Variants in TEX11 observed in about 807,000 individuals in gnomAD.
TEX11 encodes testis-expressed protein 11.
In TEX11, 7 loss-of-function variants were observed where a neutral mutation model predicts 84.4. The observed-to-expected ratio is 0.08, with a 90% confidence interval of 0.05 to 0.16. The LOEUF (loss-of-function observed/expected upper bound fraction) is 0.16. Among genes scored for constraint, TEX11 ranks in the 10% least tolerant of loss-of-function variants. TEX11 has a pLI of 1.00. For synonymous variants in TEX11, 264 were observed against 222.8 expected, an observed-to-expected ratio of 1.18 and a Z score of -1.64; for missense variants, 551 against 660.5, an observed-to-expected ratio of 0.83 and a Z score of 1.82.
chrX:70,869,122 T>C (rs190350528), intron 4 of TEX11, among the ~76,000 whole-genome samples: 26 of 95,839 alleles, frequency 2.7e-4, no homozygotes, highest in Admixed American at 1.5e-3. Flanking sequence ...TAAAACAAAA[T>C]AAAATAAAGA....
At chrX:70,687,865 A>G (rs1192174650) in intron 13 of TEX11, among the ~76,000 whole-genome samples, 1 of 106,229 alleles carries the variant, frequency 9.4e-6, no homozygotes. Flanking sequence ...AAAGAAAGGA[A>G]AGAAAGGAAG....
At chrX:70,642,379 A>G (rs2089673023) in intron 17 of TEX11, among the ~76,000 whole-genome samples, 1 of 111,353 alleles carries the variant, frequency 9.0e-6, no homozygotes, top group South Asian at 3.9e-4. Flanking sequence ...AAACTATTCC[A>G]ATCAATAGAA....
At chrX:70,818,006 C>A (rs908000700) in intron 8 of TEX11, among the ~76,000 whole-genome samples, 4 of 111,330 alleles carry the variant, frequency 3.6e-5, no homozygotes, top group Non-Finnish European at 7.5e-5. Context: ...CAGGCAAAAA[C>A]AGCTCTCAGA....
the TEX11 span, among the ~76,000 whole-genome samples, chrX:70,511,646 G>A: frequency 1.9e-5 from 2 of 103,488 alleles, no homozygotes; most frequent in Admixed American, 2.1e-4. Flanking sequence ...CCAGCTACTC[G>A]GGAGGCTGAG....
intron 4 of TEX11, among the ~76,000 whole-genome samples, chrX:70,866,277 T>G (rs766953190): frequency 9.1e-6 from 1 of 110,497 alleles, no homozygotes; most frequent in Non-Finnish European, 1.9e-5. Flanking sequence ...ACAAATAAAC[T>G]AGAAAATCTA....
Position 70,888,727 on chromosome X carries a change from G to A in TEX11, c.38-8618C>T, listed in dbSNP as rs1261243661. Among the ~76,000 whole-genome samples the A allele has an allele frequency of 3.6e-5, 4 of 111,397 alleles. No individual in the cohort carries two copies. The East Asian group carries it at 1.1e-3, about 32-fold the overall frequency. On this transcript the variant is annotated intron_variant, in intron 2 of 29. Transcript: ENST00000374333. ...AGATATCAATATCCAAGTACAAAAA[G>A]GTTATAGAACACCAAGTAGATTTAA...
At chrX:70,686,586 G>T (rs763640045) in intron 13 of TEX11, among the ~76,000 whole-genome samples, 3 of 110,150 alleles carry the variant, frequency 2.7e-5, no homozygotes, top group African/African-American at 9.9e-5. Context: ...GCTAATGCAT[G>T]TGGGGCTTAA....
chrX:70,747,086 G>A (rs1377837007), intron 9 of TEX11, among the ~76,000 whole-genome samples: 1 of 111,999 alleles, frequency 8.9e-6, no homozygotes, highest in Non-Finnish European at 1.9e-5. Flanking sequence ...GGATCTGGGA[G>A]ACTGTGCACA....
downstream of TEX11, among the ~76,000 whole-genome samples, chrX:70,528,483 A>ATTT (rs141611218): frequency 1.4e-3 from 139 of 96,053 alleles, no homozygotes; most frequent in African/African-American, 4.4e-3. Flanking sequence ...ATGCCTGGCT[A>ATTT]TTTTTTTTTT....
Position 70,632,894 on chromosome X carries a change from T to C in TEX11, c.1484-3159A>G, listed in dbSNP as rs993386691. 2.4e-4 allele frequency among the ~76,000 whole-genome samples: 27 copies of C among 111,874 alleles called. 1 individual carries two copies. The highest frequency in any genetic ancestry group is 1.6e-3 in the Admixed American group (17 of 10,560). On this transcript the variant is annotated intron_variant, in intron 17 of 29. Transcript: ENST00000374333. The stretch of plus-strand genomic sequence containing the variant: ...AAATAATAGATAACTTGAATAGCCC[T>C]ATATCTATTAAAGACATTTAATTTA...
chrX:70,852,570 G>A (rs1304596928), intron 7 of TEX11, among the ~76,000 whole-genome samples: 1 of 112,163 alleles, frequency 8.9e-6, no homozygotes, highest in Non-Finnish European at 1.9e-5. Context: ...GTGTATGATG[G>A]CAAAAGGAGG....
At chrX:70,528,518 G>A (rs184052885), downstream of TEX11, among the ~76,000 whole-genome samples, 2,316 of 106,549 alleles carry the variant, frequency 0.022, 74 homozygotes, top group African/African-American at 0.075. Context: ...TAGAGATGGA[G>A]TTTTGCCATG....
intron 13 of TEX11, among the ~76,000 whole-genome samples, chrX:70,710,687 G>A (rs1355282148): frequency 9.1e-6 from 1 of 110,298 alleles, no homozygotes; most frequent in Admixed American, 9.7e-5. Flanking sequence ...ATCAGAATCT[G>A]CATCTTAACA....
chrX:70,840,569 AAC>A (rs2091436688), intron 7 of TEX11, among the ~76,000 whole-genome samples: 1 of 111,636 alleles, frequency 9.0e-6, no homozygotes, highest in Admixed American at 9.6e-5. Context: ...AAACTGCATC[AAC>A]TATCGAGCAA....
intron 11 of TEX11, among the ~76,000 whole-genome samples, chrX:70,727,939 G>C (rs1297716032): frequency 8.9e-6 from 1 of 112,267 alleles, no homozygotes; most frequent in Non-Finnish European, 1.9e-5. Context: ...ATAGTATTTA[G>C]TTATAACAGC....
chrX:70,841,668 T>A (rs1271142094), intron 7 of TEX11, among the ~76,000 whole-genome samples: 4 of 111,648 alleles, frequency 3.6e-5, no homozygotes, highest in Admixed American at 1.9e-4. Flanking sequence ...CAAAAAACCC[T>A]TCAAAAAATT....
chrX:70,842,621 G>T (rs1273487545), intron 7 of TEX11, among the ~76,000 whole-genome samples: 1 of 111,715 alleles, frequency 9.0e-6, no homozygotes, highest in Admixed American at 9.6e-5. Flanking sequence ...AGTGTTGGAA[G>T]TGCTGGCCAA....
chrX:70,729,891 GT>G (rs1445266530), intron 11 of TEX11, among the ~76,000 whole-genome samples: 1 of 111,990 alleles, frequency 8.9e-6, no homozygotes, highest in Non-Finnish European at 1.9e-5. Flanking sequence ...AGGAAAAAAT[GT>G]TACGGGCAGC....
intron 2 of TEX11, among the ~76,000 whole-genome samples, chrX:70,883,252 G>A (rs1403911302): frequency 2.7e-5 from 3 of 111,703 alleles, no homozygotes; most frequent in Non-Finnish European, 1.9e-5. Flanking sequence ...TGGCATTACA[G>A]GTGTGTGCCA....
Sources: gnomAD v4.1 joint callset for allele counts (sites outside exome capture counted in the v4.1 genomes callset) on GRCh38, gnomAD v4.1.1 for gene constraint, MANE v1.5 for transcripts, NCBI Gene and HGNC (gene_info 2026-07-23, HGNC 2026-07-21) for gene names.